Variants in ROBO2 observed in about 807,000 individuals in gnomAD.
The protein encoded by ROBO2 is roundabout homolog 2.
A neutral mutation model predicts 160.8 loss-of-function variants in ROBO2; 53 were observed. The ratio of observed to expected loss-of-function variants is 0.33; its 90% confidence interval spans 0.26 to 0.41. The LOEUF is 0.41. Among genes scored for constraint, ROBO2 ranks in the 10% least tolerant of loss-of-function variants. The pLI is 1.00. For synonymous variants in ROBO2, 664 were observed against 611.7 expected (o/e 1.09, Z -1.26); for missense variants, 1,577 against 1,722.4 (o/e 0.92, Z 1.49).
intron 2 of ROBO2, among the ~76,000 whole-genome samples, chr3:76,132,404 G>GGGGT (rs2071263393): frequency 1.5e-5 from 2 of 133,354 alleles, no homozygotes; most frequent in African/African-American, 5.4e-5. Flanking sequence ...TGGGGGGGGG[G>GGGGT]GGGGACGCAG....
intron 2 of ROBO2, among the ~76,000 whole-genome samples, chr3:76,623,994 C>T (rs867027086): frequency 6.6e-6 from 1 of 151,964 alleles, no homozygotes; most frequent in Non-Finnish European, 1.5e-5. Flanking sequence ...AGAACTTGTA[C>T]ACCCAGGACT....
intron 2 of ROBO2, among the ~76,000 whole-genome samples, chr3:77,115,191 G>A (rs2074077923): frequency 6.6e-6 from 1 of 152,058 alleles, no homozygotes; most frequent in African/African-American, 2.4e-5. Flanking sequence ...TCTGTGGAAT[G>A]AATTTAGTTT....
chr3:77,301,832 G>A (rs976713847), intron 2 of ROBO2, among the ~76,000 whole-genome samples: 5 of 151,826 alleles, frequency 3.3e-5, no homozygotes, highest in African/African-American at 1.2e-4. Context: ...TTACATACTT[G>A]CTGTGTGTCC....
chr3:76,392,298 A>G (rs1490518868), intron 2 of ROBO2, among the ~76,000 whole-genome samples: 1 of 152,088 alleles, frequency 6.6e-6, no homozygotes, highest in African/African-American at 2.4e-5. Context: ...AATTGTTTTC[A>G]GTGTTTTTTA....
chr3:76,651,092 T>C (rs1238933427), intron 2 of ROBO2, among the ~76,000 whole-genome samples: 3 of 151,982 alleles, frequency 2.0e-5, no homozygotes, highest in Non-Finnish European at 2.9e-5. Context: ...AGAGGAGGGG[T>C]TGAAGTTTCC....
chr3:77,473,650 G>T (rs966523014), intron 2 of ROBO2, among the ~76,000 whole-genome samples: 4 of 151,600 alleles, frequency 2.6e-5, no homozygotes, highest in Admixed American at 2.0e-4. Flanking sequence ...TACAGACGGG[G>T]TTTCACCGTG....
chr3:77,547,613 T>G (rs1353599670), intron 7 of ROBO2, among the ~76,000 whole-genome samples: 1 of 152,064 alleles, frequency 6.6e-6, no homozygotes, highest in African/African-American at 2.4e-5. Flanking sequence ...TTCTATAAAT[T>G]CCTGTACCAG....
intron 2 of ROBO2, among the ~76,000 whole-genome samples, chr3:77,241,817 A>G (rs956416381): frequency 1.3e-5 from 2 of 152,226 alleles, no homozygotes; most frequent in African/African-American, 2.4e-5. Flanking sequence ...CTAAGTATCA[A>G]GAAAAGATCA....
chr3:75,985,213 A>G (rs1199262967), intron 2 of ROBO2, among the ~76,000 whole-genome samples: 2 of 151,488 alleles, frequency 1.3e-5, no homozygotes, highest in Non-Finnish European at 3.0e-5. Flanking sequence ...TCATTTTATT[A>G]TCATGGTTCT....
Position 77,342,108 on chromosome 3 carries a change from T to C in ROBO2, c.389-135306T>C, listed in dbSNP as rs1373381960. ...CACAAAGAAAAAGGCAAACATACTATAGATATTCTAGTATGGTACAATTAT... is the reference window on the plus strand; with the variant it reads ...CACAAAGAAAAAGGCAAACATACTACAGATATTCTAGTATGGTACAATTAT... On this transcript the variant is annotated intron_variant, in intron 2 of 25. Coordinates refer to ENST00000461745, the Ensembl canonical transcript of ROBO2. 4.6e-5 allele frequency among the ~76,000 whole-genome samples: 7 copies of C among 152,230 alleles called. No homozygotes were observed. In the South Asian group the frequency reaches 1.2e-3, roughly 27 times the overall value.
chr3:76,577,761 C>T (rs1228237057), intron 2 of ROBO2, among the ~76,000 whole-genome samples: 2 of 152,010 alleles, frequency 1.3e-5, no homozygotes, highest in Non-Finnish European at 2.9e-5. Flanking sequence ...AATCTCAAAC[C>T]TTATCATAAT....
intron 2 of ROBO2, among the ~76,000 whole-genome samples, chr3:76,505,322 C>T (rs2107685253): frequency 6.6e-6 from 1 of 151,888 alleles, no homozygotes; most frequent in South Asian, 2.1e-4. Context: ...GGAGCTCTGG[C>T]TTCCTTGGCC....
intron 2 of ROBO2, among the ~76,000 whole-genome samples, chr3:76,179,591 A>C (rs1701400429): frequency 6.6e-6 from 1 of 152,034 alleles, no homozygotes; most frequent in Admixed American, 6.6e-5. Context: ...TGTTCAGAAC[A>C]CTTCTGTGGC....
intron 2 of ROBO2, among the ~76,000 whole-genome samples, chr3:75,938,594 T>G (rs1369070059): frequency 6.6e-6 from 1 of 152,114 alleles, no homozygotes; most frequent in Non-Finnish European, 1.5e-5. Flanking sequence ...TGCAGTGTTA[T>G]TATATAATTG....
chr3:77,551,099 A>G (rs2092904180), intron 8 of ROBO2, 110 bp downstream of exon 9: 20 of 1,180,488 alleles, frequency 1.7e-5, no homozygotes, highest in Admixed American at 1.9e-5. Context: ...ATGTATGCTT[A>G]TCTTTTAAGT....
chr3:76,745,885 A>C (rs1576378757), intron 2 of ROBO2, among the ~76,000 whole-genome samples: 1 of 150,024 alleles, frequency 6.7e-6, no homozygotes. Context: ...CACAATGTGC[A>C]GGTTAGTTAC....
At chr3:77,126,365 C>T (rs1017614130) in intron 2 of ROBO2, among the ~76,000 whole-genome samples, 2 of 152,152 alleles carry the variant, frequency 1.3e-5, no homozygotes, top group African/African-American at 4.8e-5. Context: ...CTGTTTGATC[C>T]ACAATTGGCC....
intron 2 of ROBO2, among the ~76,000 whole-genome samples, chr3:76,846,464 C>A (rs565972183): frequency 5.0e-4 from 76 of 152,100 alleles, no homozygotes; most frequent in African/African-American, 1.7e-3. Flanking sequence ...ATTTAAGAAA[C>A]CTGAAAACCT....
At chr3:76,253,281 T>G (rs1178560945) in intron 2 of ROBO2, among the ~76,000 whole-genome samples, 1 of 151,948 alleles carries the variant, frequency 6.6e-6, no homozygotes, top group African/African-American at 2.4e-5. Flanking sequence ...ATTTATTTAT[T>G]TATTTACTTT....
Sources: allele counts gnomAD v4.1 joint callset (sites outside exome capture counted in the v4.1 genomes callset), GRCh38; gene constraint gnomAD v4.1.1; transcripts MANE v1.5; gene names NCBI Gene and HGNC (gene_info 2026-07-23, HGNC 2026-07-21).